Variants in PCSK5 observed in about 807,000 individuals in gnomAD.
PCSK5 encodes the protein proprotein convertase subtilisin/kexin type 5.
In PCSK5, 129 loss-of-function variants were observed where a neutral mutation model predicts 233.2. The observed-to-expected ratio is 0.55, with a 90% CI of 0.48 to 0.64. The LOEUF (loss-of-function observed/expected upper bound fraction) is 0.64. Ranked by LOEUF, PCSK5 falls within the 30% of genes least tolerant of loss-of-function variation. The pLI, the probability that PCSK5 is intolerant of heterozygous loss-of-function variation, is 0.00. For missense variants in PCSK5, 2,076 were observed against 2,430.1 expected, an observed-to-expected ratio of 0.85 and a Z score of 3.06; for synonymous variants, 825 against 879.2, an observed-to-expected ratio of 0.94 and a Z score of 1.09.
chr9:76,192,403 A>G (rs1824437989), intron 20 of PCSK5, among the ~76,000 whole-genome samples: 1 of 152,214 alleles, frequency 6.6e-6, no homozygotes, highest in African/African-American at 2.4e-5. Context: ...TTCTCTTTCA[A>G]CTGTCATATT....
At chr9:76,354,317 A>G (rs1377999087) in intron 37 of PCSK5, 98 bp downstream of exon 37, 8 of 915,300 alleles carry the variant, frequency 8.7e-6, no homozygotes, top group East Asian at 2.7e-5. Context: ...AGGAGAATCA[A>G]TATGGCTACC....
chr9:75,962,294 G>T (rs1825388139), intron 2 of PCSK5, among the ~76,000 whole-genome samples: 2 of 152,138 alleles, frequency 1.3e-5, no homozygotes, highest in African/African-American at 4.8e-5. Context: ...CATTCAGAAA[G>T]ACTTCTTCAG....
At chr9:75,913,815 A>G (rs1340991222) in intron 1 of PCSK5, among the ~76,000 whole-genome samples, 2 of 152,158 alleles carry the variant, frequency 1.3e-5, no homozygotes, top group Middle Eastern at 3.2e-3. Context: ...TTTGTAATAC[A>G]GTAGGAACCC....
intron 8 of PCSK5, among the ~76,000 whole-genome samples, chr9:76,099,398 C>T (rs1275527162): frequency 1.3e-5 from 2 of 152,260 alleles, no homozygotes; most frequent in Middle Eastern, 3.4e-3. Flanking sequence ...GCCTGGTACA[C>T]AGGAGCAGCT....
chr9:76,042,724 G>C (rs922284502), intron 5 of PCSK5, among the ~76,000 whole-genome samples: 1 of 152,142 alleles, frequency 6.6e-6, no homozygotes, highest in Non-Finnish European at 1.5e-5. Flanking sequence ...GCCTGAGGAA[G>C]TATTTTCCCT....
chr9:76,074,504 T>C (rs2131608001), intron 7 of PCSK5, among the ~76,000 whole-genome samples: 1 of 152,334 alleles, frequency 6.6e-6, no homozygotes, highest in South Asian at 2.1e-4. Flanking sequence ...TGCATTTAAA[T>C]GTGATGAGGT....
At chr9:76,085,139 G>C (rs1034229047) in intron 7 of PCSK5, among the ~76,000 whole-genome samples, 1 of 152,148 alleles carries the variant, frequency 6.6e-6, no homozygotes, top group African/African-American at 2.4e-5. Flanking sequence ...GAGTGGGTCA[G>C]GTGGGCCCAT....
chr9:76,318,360 A>G (rs1463743417), intron 30 of PCSK5, among the ~76,000 whole-genome samples: 1 of 152,206 alleles, frequency 6.6e-6, no homozygotes, highest in East Asian at 1.9e-4. Context: ...AGAAATACCT[A>G]ATGTAGATAG....
At chr9:76,184,240 A>G (rs1037222912) in intron 16 of PCSK5, among the ~76,000 whole-genome samples, 9 of 152,210 alleles carry the variant, frequency 5.9e-5, no homozygotes, top group Admixed American at 1.3e-4. Context: ...CCTAAAAGCT[A>G]TGAGCATGGG....
intron 20 of PCSK5, among the ~76,000 whole-genome samples, chr9:76,196,414 G>A (rs968376709): frequency 1.1e-4 from 17 of 152,212 alleles, no homozygotes; most frequent in African/African-American, 2.4e-4. Flanking sequence ...ATAAATCTCC[G>A]GTACATACCA....
At chr9:76,296,634 C>T (rs564182870) in intron 26 of PCSK5, 31 bp from the exon 27 acceptor site, 12 of 1,485,168 alleles carry the variant, frequency 8.1e-6, no homozygotes, top group Non-Finnish European at 7.5e-6. Flanking sequence ...TCACTAAAGC[C>T]TTCATGCTTT....
At chr9:76,278,742 A>G (rs533578310) in intron 24 of PCSK5, among the ~76,000 whole-genome samples, 75 of 152,272 alleles carry the variant, frequency 4.9e-4, no homozygotes, top group Non-Finnish European at 9.0e-4. Flanking sequence ...TCTACCTACC[A>G]TATACATAGA....
At chr9:76,096,130 A>T (rs769641472) in intron 8 of PCSK5, 28 bp downstream of exon 8, 1 of 1,497,124 alleles carries the variant, frequency 6.7e-7, no homozygotes, top group Non-Finnish European at 9.3e-7. Context: ...GCCCATCATG[A>T]TCTGTTTATT....
At chr9:75,972,825 C>T (rs973888409) in intron 2 of PCSK5, among the ~76,000 whole-genome samples, 2 of 152,152 alleles carry the variant, frequency 1.3e-5, no homozygotes, top group African/African-American at 2.4e-5. Flanking sequence ...TTCAACTGTA[C>T]AGCTTTTAGT....
chr9:76,224,870 C>T (rs948081351), intron 20 of PCSK5, among the ~76,000 whole-genome samples: 2 of 152,216 alleles, frequency 1.3e-5, no homozygotes, highest in African/African-American at 4.8e-5. Context: ...TAACCCTCGA[C>T]TAACCTAACG....
intron 9 of PCSK5, among the ~76,000 whole-genome samples, chr9:76,114,451 A>C (rs191911603): frequency 1.3e-3 from 194 of 152,256 alleles, no homozygotes; most frequent in African/African-American, 4.2e-3. Context: ...CCTGGACTCA[A>C]CTTTGTACCT....
chr9:76,210,788 C>T (rs1825298786), intron 20 of PCSK5, among the ~76,000 whole-genome samples: 2 of 152,148 alleles, frequency 1.3e-5, no homozygotes, highest in Admixed American at 6.5e-5. Flanking sequence ...ATAAATCCAC[C>T]ATATGGTATA....
chr9:76,093,307 C>A (rs1248285926), intron 7 of PCSK5, among the ~76,000 whole-genome samples: 3 of 151,914 alleles, frequency 2.0e-5, no homozygotes, highest in African/African-American at 7.3e-5. Context: ...ATTGCCCAGG[C>A]TGGTCTCTAA....
In PCSK5 at chr9:76,173,495, C is replaced by CTTTTTTTTTTTTTTTTTTTTT. The variant is rs1587715951; in HGVS notation, c.1757-1491_1757-1490insTTTTTTTTTTTTTTTTTTTTT. Among the ~76,000 whole-genome samples the CTTTTTTTTTTTTTTTTTTTTT allele has an allele frequency of 1.1e-3, 39 of 34,598 alleles. 2 individuals carry two copies. The highest frequency in any genetic ancestry group is 6.2e-3 in the East Asian group (7 of 1,132). 22.7% of individuals were successfully genotyped at this position (34,598 alleles called of 152,430 possible). A position where few individuals can be genotyped will look rare whatever the true frequency, so the allele number is the denominator to read the frequency against. Reference sequence around the variant, plus strand: ...ACTTTAATGAAATGGAGGCACGTTTCCTTTTTTTTTTTTTTTTTTTTTTTT... The same window carrying CTTTTTTTTTTTTTTTTTTTTT: ...ACTTTAATGAAATGGAGGCACGTTTCTTTTTTTTTTTTTTTTTTTTTCTTTTTTTTTTTTTTTTTTTTTTTT... On this transcript the variant is annotated intron_variant, in intron 13 of 37. Transcript: ENST00000674117.
Sources: allele counts gnomAD v4.1 joint callset (sites outside exome capture counted in the v4.1 genomes callset), GRCh38; gene constraint gnomAD v4.1.1; transcripts MANE v1.5; gene names NCBI Gene and HGNC (gene_info 2026-07-23, HGNC 2026-07-21).